RGS3: variants seen among roughly 807,000 people sequenced by gnomAD.
The protein encoded by RGS3 is regulator of G-protein signalling 3.
RGS3 carries 80 observed loss-of-function variants against 132.6 expected under a neutral mutation model. The ratio of observed to expected loss-of-function variants is 0.60; its 90% CI spans 0.50 to 0.73. The LOEUF (loss-of-function observed/expected upper bound fraction) is 0.73, where lower values mean the gene tolerates loss of function less well. Ranked by LOEUF, RGS3 falls within the 30% of genes least tolerant of loss-of-function variation. The pLI, the probability that RGS3 is intolerant of heterozygous loss-of-function variation, is 0.00. For missense variants in RGS3, 1,382 were observed against 1,530.8 expected, an observed-to-expected ratio of 0.90 and a Z score of 1.62; for synonymous variants, 598 against 620.6, an observed-to-expected ratio of 0.96 and a Z score of 0.54.
chr9:113,488,731 A>G (rs180806252), intron 7 of RGS3, among the ~76,000 whole-genome samples: 4 of 152,368 alleles, frequency 2.6e-5, no homozygotes, highest in East Asian at 3.9e-4. Context: ...ACTCACGGTC[A>G]CAGTCCCAGC....
intron 19 of RGS3, among the ~76,000 whole-genome samples, chr9:113,567,430 G>A (rs975895735): frequency 6.6e-6 from 1 of 152,174 alleles, no homozygotes; most frequent in Non-Finnish European, 1.5e-5. Flanking sequence ...GGAGAGGGGC[G>A]TTGCATTGTC....
rs768468135 is a variant in RGS3, at chr9:113,483,116, A to C, written c.524A>C (p.Lys175Thr). The change falls in exon 5 of 25, where the codon AAG (lysine) becomes ACG (threonine). Residue 175 changes from lysine to threonine, a missense_variant and splice_region_variant. Transcript: ENST00000350696. ...CCTGGCACCTGTGATCCGTATGTGA[A>C]GGTATGTGGTGGGGCCGGAGATGGA... 53 of 1,606,784 alleles carry C rather than the reference A, an allele frequency of 3.3e-5. No homozygotes were observed. In the South Asian group the frequency reaches 5.0e-4, roughly 15 times the overall value.
At chr9:113,499,048 G>A (rs1239438936) in intron 10 of RGS3, among the ~76,000 whole-genome samples, 1 of 151,326 alleles carries the variant, frequency 6.6e-6, no homozygotes, top group Admixed American at 6.6e-5. Context: ...CTAATATGGT[G>A]AAACCATGTC....
intron 18 of RGS3, among the ~76,000 whole-genome samples, chr9:113,535,712 TGTC>T (rs1373170564): frequency 6.7e-6 from 1 of 148,814 alleles, no homozygotes; most frequent in East Asian, 1.9e-4. Flanking sequence ...ATAGAAACAC[TGTC>T]TTTTTTTTTT....
At chr9:113,447,319 GTA>G (rs557484546) in intron 1 of RGS3, among the ~76,000 whole-genome samples, 1,795 of 21,878 alleles carry the variant, frequency 0.082, 238 homozygotes, top group African/African-American at 0.14. Flanking sequence ...AAATTCTGAT[GTA>G]TGTATATGTA....
chr9:113,501,722 C>G, intron 10 of RGS3: 4 of 1,292,746 alleles, frequency 3.1e-6, no homozygotes, highest in Non-Finnish European at 4.3e-6. Flanking sequence ...CTCACAAGGT[C>G]TTCTTTGACC....
intron 1 of RGS3, among the ~76,000 whole-genome samples, chr9:113,446,983 C>T (rs964728442): frequency 3.3e-5 from 5 of 151,518 alleles, no homozygotes; most frequent in South Asian, 4.2e-4. Flanking sequence ...AGGGAGGGGC[C>T]GGATGCGGTG....
chr9:113,507,235 G>A lies in RGS3; in HGVS notation c.1086-52G>A, dbSNP rs1831168853. ...TGCCCTGTGGGCCCTCACTCTGGCT[G>A]ATACTGGCTTTCCCCAGGCTCAACC... On this transcript the variant is annotated intron_variant, in intron 12 of 24. Coordinates refer to ENST00000350696, the Ensembl canonical transcript of RGS3. This position sits in a 1 kb window ranked among gnomAD's most constrained non-coding sequence, Gnocchi z 5.0. The A allele has an allele frequency of 2.0e-6, 3 of 1,472,870 alleles. No homozygotes were observed. The highest frequency in any genetic ancestry group is 2.0e-5 in the Admixed American group (1 of 51,212). The allele number at this position is 1,472,870 out of a possible 1,614,324, so 91.2% of individuals were successfully genotyped here. A position where few individuals can be genotyped will look rare whatever the true frequency, so the allele number is the denominator to read the frequency against.
At chr9:113,595,636 G>A (rs1237454121) in exon 24 of RGS3, 5 of 1,614,204 alleles carry the variant, frequency 3.1e-6, no homozygotes, top group Non-Finnish European at 3.4e-6. Flanking sequence ...TTCGCACTGA[G>A]TTCAGTGAGG....
intron 20 of RGS3, among the ~76,000 whole-genome samples, chr9:113,590,972 G>A (rs544022797): frequency 1.3e-5 from 2 of 152,314 alleles, no homozygotes; most frequent in East Asian, 1.9e-4. Flanking sequence ...AGGAATAGAG[G>A]CTTAGAGAGG....
intron 16 of RGS3, among the ~76,000 whole-genome samples, chr9:113,520,442 G>A (rs142114258): frequency 1.1e-3 from 161 of 152,266 alleles, no homozygotes; most frequent in African/African-American, 3.5e-3. Flanking sequence ...CTGAGCCAGA[G>A]TGGTGGCCTG....
chr9:113,488,218 G>A (rs932610151), intron 7 of RGS3, among the ~76,000 whole-genome samples: 2 of 152,150 alleles, frequency 1.3e-5, no homozygotes, highest in African/African-American at 4.8e-5. Context: ...ACTCCTGGGC[G>A]GCTGGTGGTG....
intron 10 of RGS3, among the ~76,000 whole-genome samples, chr9:113,501,174 T>A (rs7040031): frequency 6.6e-6 from 1 of 151,502 alleles, no homozygotes; most frequent in Non-Finnish European, 1.5e-5. Context: ...GGGGAGGAGG[T>A]GTTGTTATAG....
chr9:113,568,291 C>T (rs1219541378), intron 19 of RGS3, among the ~76,000 whole-genome samples: 1 of 152,206 alleles, frequency 6.6e-6, no homozygotes, highest in African/African-American at 2.4e-5. Context: ...TTTGGACCTT[C>T]GGGCTCACTG....
intron 18 of RGS3, among the ~76,000 whole-genome samples, chr9:113,530,414 C>T (rs1832414020): frequency 6.6e-6 from 1 of 152,230 alleles, no homozygotes; most frequent in Admixed American, 6.5e-5. Context: ...ATTGGATGTC[C>T]TCCCCTGTGT....
chr9:113,534,948 G>C (rs1194773432), intron 18 of RGS3, among the ~76,000 whole-genome samples: 1 of 151,940 alleles, frequency 6.6e-6, no homozygotes, highest in African/African-American at 2.4e-5. Flanking sequence ...TCCATCCTCT[G>C]TTGGTGGACT....
At chr9:113,515,651 A>G (rs533440105) in intron 15 of RGS3, among the ~76,000 whole-genome samples, 1 of 152,254 alleles carries the variant, frequency 6.6e-6, no homozygotes, top group Non-Finnish European at 1.5e-5. Flanking sequence ...GAAACAAAAC[A>G]AAAACCTAAA....
At chr9:113,575,286 T>C (rs953840266) in intron 19 of RGS3, among the ~76,000 whole-genome samples, 5 of 152,172 alleles carry the variant, frequency 3.3e-5, no homozygotes, top group African/African-American at 1.2e-4. Context: ...CTGTGAGTGT[T>C]GGCTTTGTCC....
chr9:113,491,498 G>A (rs911655947), intron 7 of RGS3, among the ~76,000 whole-genome samples: 2 of 151,772 alleles, frequency 1.3e-5, no homozygotes, highest in Non-Finnish European at 2.9e-5. Flanking sequence ...TGATCCACCC[G>A]CCTTGGCCTC....
Sources: gnomAD v4.1 joint callset for allele counts (sites outside exome capture counted in the v4.1 genomes callset) on GRCh38, gnomAD v4.1.1 for gene constraint, Gnocchi (gnomAD v3.1) non-coding constraint, MANE v1.5 for transcripts, NCBI Gene and HGNC (gene_info 2026-07-23, HGNC 2026-07-21) for gene names.